IQUB: variants seen among roughly 807,000 people sequenced by gnomAD.
IQUB encodes the protein IQ motif and ubiquitin-like domain-containing protein.
Under a neutral mutation model 86.4 loss-of-function variants are expected in IQUB, and 86 were observed. The ratio of observed to expected loss-of-function variants is 1.00; its 90% CI spans 0.84 to 1.19. The LOEUF is 1.19. Ranked by LOEUF, IQUB falls within the 50% of genes most tolerant of loss-of-function variation. The pLI, the probability that IQUB is intolerant of heterozygous loss-of-function variation, is 0.00. For missense variants in IQUB, 946 were observed against 916.9 expected (o/e 1.03, Z -0.41); for synonymous variants, 289 against 304.5 (o/e 0.95, Z 0.53).
At chr7:123,490,593 T>C (rs1031256194) in intron 7 of IQUB, among the ~76,000 whole-genome samples, 15 of 152,198 alleles carry the variant, frequency 9.9e-5, no homozygotes, top group Admixed American at 7.2e-4. Flanking sequence ...AGAATGCAAA[T>C]TCTTCCTACA....
Position 123,457,199 on chromosome 7 carries a change from A to G in IQUB, c.2193+182T>C, listed in dbSNP as rs532742369. On this transcript the variant is annotated intron_variant, in intron 12 of 12. Transcript: ENST00000324698. The stretch of plus-strand genomic sequence containing the variant: ...TGTAATATGTTCAAATCTCTTATAT[A>G]TACCTTTTATTTAATCTGTGCCATA... The G allele has an allele frequency of 1.3e-5, 13 of 967,696 alleles. No homozygotes were observed. The East Asian group carries it at 1.4e-3, about 102-fold the overall frequency. The allele number at this position is 967,696 out of a possible 1,614,324, so 59.9% of individuals were successfully genotyped here. A position where few individuals can be genotyped will look rare whatever the true frequency, so the allele number is the denominator to read the frequency against.
chr7:123,479,667 AAT>A (rs1794905837), intron 8 of IQUB, 126 bp downstream of exon 8: 1 of 687,440 alleles, frequency 1.5e-6, no homozygotes, highest in South Asian at 2.0e-5. Flanking sequence ...AATTTTAAGA[AAT>A]ATGTCATCAA....
rs1381744178 is a variant in IQUB, at chr7:123,461,563, A to T, written c.1801T>A (p.Cys601Ser). 1 of 1,611,432 alleles carries T rather than the reference A, an allele frequency of 6.2e-7. No homozygotes were observed. Among genetic ancestry groups the T allele is most frequent in the Non-Finnish European group, 8.5e-7 (1 of 1,178,474 alleles). Residue 601 changes from cysteine to serine, a missense_variant, in exon 11 of 13, where the codon TGC becomes AGC. Coordinates refer to ENST00000324698, the MANE Select transcript of IQUB (RefSeq NM_178827.5). ...GGCAAATAAAGCTGGCAACTGTGGC[A>T]AAAGTAAATCTTCTTATAAAATTTC... ...PLKFYKKIYFCHSCQLYLPST... is the reference protein window; with the variant it reads ...PLKFYKKIYFSHSCQLYLPST...
intron 1 of IQUB, among the ~76,000 whole-genome samples, chr7:123,529,106 C>CTGTTAGAATATGTACTATTCTGT: frequency 6.6e-6 from 1 of 151,742 alleles, no homozygotes; most frequent in East Asian, 1.9e-4. Flanking sequence ...TATGTGCTTA[C>CTGTTAGAATATGTACTATTCTGT]TAGAAAAAAA....
chr7:123,506,098 T>G (rs2117225910), intron 3 of IQUB, among the ~76,000 whole-genome samples: 1 of 152,346 alleles, frequency 6.6e-6, no homozygotes, highest in Non-Finnish European at 1.5e-5. Flanking sequence ...CGGGTGTCTT[T>G]GCTAAAGCAT....
chr7:123,519,629 G>C (rs1796811161), intron 1 of IQUB, among the ~76,000 whole-genome samples: 1 of 152,144 alleles, frequency 6.6e-6, no homozygotes. Flanking sequence ...TAGAATGATG[G>C]TTACCAGAAG....
chr7:123,494,583 C>G (rs1404912982), intron 7 of IQUB, among the ~76,000 whole-genome samples: 1 of 152,044 alleles, frequency 6.6e-6, no homozygotes, highest in African/African-American at 2.4e-5. Flanking sequence ...TCATGGATTT[C>G]ATTTTCCTCC....
chr7:123,506,671 C>A (rs1295489050), intron 3 of IQUB, among the ~76,000 whole-genome samples: 1 of 152,162 alleles, frequency 6.6e-6, no homozygotes, highest in Non-Finnish European at 1.5e-5. Context: ...TCACCTCCCA[C>A]AAGGCCCCTC....
chr7:123,499,908 C>G (rs1322349374), intron 6 of IQUB, among the ~76,000 whole-genome samples: 3 of 152,082 alleles, frequency 2.0e-5, no homozygotes, highest in Admixed American at 1.3e-4. Context: ...AAAGACCTTG[C>G]TAATAAAACA....
chr7:123,503,451 A>C (rs1796041800), intron 3 of IQUB, 88 bp from the exon 4 acceptor site: 1 of 719,786 alleles, frequency 1.4e-6, no homozygotes, highest in South Asian at 1.9e-5. Context: ...TTGACAAATA[A>C]AAATTGTATA....
intron 8 of IQUB, among the ~76,000 whole-genome samples, chr7:123,474,673 C>CT (rs1794672637): frequency 6.6e-6 from 1 of 152,196 alleles, no homozygotes; most frequent in African/African-American, 2.4e-5. Context: ...TTTTTAAACA[C>CT]TGGACTAATT....
chr7:123,509,001 T>A (rs1413076216), intron 3 of IQUB, among the ~76,000 whole-genome samples: 1 of 152,226 alleles, frequency 6.6e-6, no homozygotes, highest in Non-Finnish European at 1.5e-5. Flanking sequence ...TTAGCTTTTG[T>A]ATAGCAAATC....
At chr7:123,504,495 C>T (rs2117216484) in intron 3 of IQUB, among the ~76,000 whole-genome samples, 1 of 152,192 alleles carries the variant, frequency 6.6e-6, no homozygotes, top group African/African-American at 2.4e-5. Context: ...ATTCCACAGG[C>T]TGTATGGGAG....
At chr7:123,530,429 T>C (rs1797475787) in intron 1 of IQUB, among the ~76,000 whole-genome samples, 1 of 151,478 alleles carries the variant, frequency 6.6e-6, no homozygotes, top group Non-Finnish European at 1.5e-5. Context: ...AGGGAGACTC[T>C]GAAAAAAAAC....
Position 123,525,157 on chromosome 7 carries a change from A to C in IQUB, c.-5+9335T>G, listed in dbSNP as rs994921197. On this transcript the variant is annotated intron_variant, in intron 1 of 12. Transcript: ENST00000324698. ...TGTTCATCAAGGATATTGGTCTAAA[A>C]TTCTCTTTTTTGGTTGTGTCTCTGC... Among the ~76,000 whole-genome samples the C allele has an allele frequency of 2.0e-5, 3 of 152,134 alleles. No homozygotes were observed. In the South Asian group the frequency reaches 6.2e-4, roughly 31 times the overall value.
intron 9 of IQUB, 95 bp from the exon 10 acceptor site, chr7:123,465,104 A>G (rs1428033221): frequency 1.3e-6 from 1 of 761,720 alleles, no homozygotes; most frequent in Non-Finnish European, 2.2e-6. Context: ...CTACATTCCT[A>G]AAGAAATGAA....
chr7:123,462,890 C>T, intron 10 of IQUB: 1 of 451,960 alleles, frequency 2.2e-6, no homozygotes, highest in Non-Finnish European at 4.5e-6. Flanking sequence ...TGACAGAGGG[C>T]TCCATTTAAG....
intron 12 of IQUB, among the ~76,000 whole-genome samples, chr7:123,454,955 T>C (rs1191868845): frequency 6.6e-6 from 1 of 152,092 alleles, no homozygotes; most frequent in Admixed American, 6.6e-5. Flanking sequence ...AATATAGTCT[T>C]TGGAAAGGAG....
In IQUB at chr7:123,503,108, G is replaced by A. The variant is rs1796022816; in HGVS notation, c.703C>T (p.Gln235Ter). ...ATCTCAACAGGTACCTGCTGGTATT[G>A]ATCAAGTCCTGAGAGATAACACCAA... is the stretch of plus-strand genomic sequence containing the variant. The part of the protein sequence containing the change: ...ITVTVQTGLD[Q>*]YQQVPVEIVK... The change falls in exon 5 of 13, where the codon CAA (glutamine) becomes TAA (stop). Residue 235 changes from glutamine (Q) to a stop codon, truncating the protein, a stop_gained. Coordinates refer to ENST00000324698, the MANE Select transcript of IQUB (RefSeq NM_178827.5). LOFTEE classifies it high-confidence loss of function. The A allele has an allele frequency of 6.2e-7, 1 of 1,612,298 alleles. No individual in the cohort carries two copies. The highest frequency in any genetic ancestry group is 1.3e-5 in the African/African-American group (1 of 74,916).
Sources: gnomAD v4.1 joint callset for allele counts (sites outside exome capture counted in the v4.1 genomes callset) on GRCh38, gnomAD v4.1.1 for gene constraint, MANE v1.5 for transcripts, NCBI Gene and HGNC (gene_info 2026-07-23, HGNC 2026-07-21) for gene names.